The following AFG2A variants were observed in gnomAD, a reference collection of about 807,000 sequenced individuals.
AFG2A encodes AAA ATPase AFG2A.
chr4:123,015,884 A>G, the AFG2A span, among the ~76,000 whole-genome samples: 1 of 28,450 alleles, frequency 3.5e-5, no homozygotes, highest in Non-Finnish European at 9.3e-5. Context: ...TCCCTCCCGG[A>G]CGGGGCGGCT....
chr4:122,978,682 G>A, the AFG2A span, among the ~76,000 whole-genome samples: 51 of 152,278 alleles, frequency 3.3e-4, no homozygotes, highest in Middle Eastern at 3.4e-3. Flanking sequence ...ATGCTGAGGG[G>A]CGCTTGCAGG....
At chr4:123,212,926 A>G in the AFG2A span, among the ~76,000 whole-genome samples, 1 of 152,296 alleles carries the variant, frequency 6.6e-6, no homozygotes, top group African/African-American at 2.4e-5. Flanking sequence ...GAGACAATGC[A>G]TATAAAATAA....
At chr4:122,959,067 C>T in the AFG2A span, among the ~76,000 whole-genome samples, 1 of 152,130 alleles carries the variant, frequency 6.6e-6, no homozygotes, top group Middle Eastern at 3.2e-3. Context: ...AAGTGGGGCC[C>T]CAGATTTGCA....
chr4:123,115,246 G>C, the AFG2A span, among the ~76,000 whole-genome samples: 25 of 152,166 alleles, frequency 1.6e-4, no homozygotes, highest in African/African-American at 5.8e-4. Flanking sequence ...CTGCCGGGGG[G>C]CACCTCTGGG....
the AFG2A span, among the ~76,000 whole-genome samples, chr4:123,191,274 A>G: frequency 6.6e-6 from 1 of 152,104 alleles, no homozygotes; most frequent in Non-Finnish European, 1.5e-5. Context: ...GGATATTCCT[A>G]TTCCTTCTCA....
At chr4:122,934,082 T>A in the AFG2A span, 1 of 1,566,304 alleles carries the variant, frequency 6.4e-7, no homozygotes, top group Admixed American at 1.9e-5. Context: ...GTATATTTAA[T>A]ATACTGTTTT....
the AFG2A span, among the ~76,000 whole-genome samples, chr4:122,923,937 A>C: frequency 1.3e-5 from 2 of 152,232 alleles, no homozygotes; most frequent in Non-Finnish European, 2.9e-5. Context: ...TTTGACTTAA[A>C]AGCCATTCCT....
At chr4:123,238,966 A>G in the AFG2A span, among the ~76,000 whole-genome samples, 3 of 152,202 alleles carry the variant, frequency 2.0e-5, no homozygotes, top group African/African-American at 7.2e-5. Context: ...GGCTAACTAG[A>G]ATAAACAGTG....
At chr4:122,964,439 A>G in the AFG2A span, among the ~76,000 whole-genome samples, 1 of 151,704 alleles carries the variant, frequency 6.6e-6, no homozygotes, top group Admixed American at 6.6e-5. Context: ...AGGAGGAGGA[A>G]GTTGCAGTCA....
chr4:123,220,766 C>T, the AFG2A span, among the ~76,000 whole-genome samples: 11 of 152,110 alleles, frequency 7.2e-5, no homozygotes, highest in South Asian at 2.3e-3. Context: ...AAAACTTCTT[C>T]AGCTTATAAT....
chr4:123,089,103 C>G, the AFG2A span, among the ~76,000 whole-genome samples: 1 of 152,086 alleles, frequency 6.6e-6, no homozygotes, highest in Non-Finnish European at 1.5e-5. Flanking sequence ...AATAAATTAG[C>G]GTTGTGATTT....
At chr4:123,305,137 C>A in the AFG2A span, among the ~76,000 whole-genome samples, 1 of 152,114 alleles carries the variant, frequency 6.6e-6, no homozygotes, top group Admixed American at 6.5e-5. Context: ...GTTCCCTGTG[C>A]CTGCCAGAAG....
the AFG2A span, among the ~76,000 whole-genome samples, chr4:122,982,479 G>A: frequency 3.3e-5 from 5 of 152,128 alleles, no homozygotes; most frequent in African/African-American, 4.8e-5. Context: ...CAGCATTCTT[G>A]TATCACATTA....
chr4:123,199,872 C>A, the AFG2A span, among the ~76,000 whole-genome samples: 118 of 152,128 alleles, frequency 7.8e-4, no homozygotes, highest in Non-Finnish European at 1.3e-3. Context: ...AAAATATCTG[C>A]TTTCATGTAG....
chr4:123,139,994 T>A, the AFG2A span, among the ~76,000 whole-genome samples: 2 of 152,030 alleles, frequency 1.3e-5, no homozygotes, highest in Admixed American at 1.3e-4. Context: ...TAGGCAAATA[T>A]CAACAGATAG....
chr4:123,067,194 A>G, the AFG2A span, among the ~76,000 whole-genome samples: 1 of 152,122 alleles, frequency 6.6e-6, no homozygotes, highest in South Asian at 2.1e-4. Flanking sequence ...GGTTTCTTAC[A>G]AGCCAATTTT....
chr4:123,169,039 T>C, the AFG2A span, among the ~76,000 whole-genome samples: 82 of 152,320 alleles, frequency 5.4e-4, no homozygotes, highest in East Asian at 0.015. Context: ...GTGATGCGAA[T>C]AGAAACTGTC....
chr4:122,987,141 T>G, the AFG2A span, among the ~76,000 whole-genome samples: 3 of 152,138 alleles, frequency 2.0e-5, no homozygotes, highest in South Asian at 6.2e-4. Context: ...ACCCCTGCTC[T>G]ATTTTGATTG....
chr4:123,058,034 G>T, the AFG2A span, among the ~76,000 whole-genome samples: 24 of 152,284 alleles, frequency 1.6e-4, no homozygotes, highest in Admixed American at 1.3e-3. Context: ...TAGTAAGTGT[G>T]ATATGAAACA....
Sources: allele counts gnomAD v4.1 joint callset (sites outside exome capture counted in the v4.1 genomes callset), GRCh38; gene constraint gnomAD v4.1.1; transcripts MANE v1.5; gene names NCBI Gene and HGNC (gene_info 2026-07-23, HGNC 2026-07-21).